PLEKHG4B: variants seen among roughly 807,000 people sequenced by gnomAD.
The protein encoded by PLEKHG4B is pleckstrin homology and RhoGEF domain containing G4B, also known as pleckstrin homology domain-containing family G member 4B.
In PLEKHG4B, 111 loss-of-function variants were observed where a neutral mutation model predicts 121.3. The ratio of observed to expected loss-of-function variants is 0.92; its 90% CI spans 0.78 to 1.07. The LOEUF is 1.07. Among genes scored for constraint, PLEKHG4B ranks in the 50% least tolerant of loss-of-function variants. PLEKHG4B has a pLI of 0.00. For synonymous variants in PLEKHG4B, 738 were observed against 725.0 expected (o/e 1.02, Z -0.29); for missense variants, 1,831 against 1,757.8 (o/e 1.04, Z -0.74).
intron 14 of PLEKHG4B, among the ~76,000 whole-genome samples, chr5:170,521 T>C (rs1482019437): frequency 6.6e-6 from 1 of 152,138 alleles, no homozygotes; most frequent in Non-Finnish European, 1.5e-5. Context: ...AGGCTGGTCT[T>C]GAACTCCCAA....
chr5:182,506 A>T lies in PLEKHG4B; in HGVS notation c.*183A>T. 1.6e-6 allele frequency: 1 copy of T among 620,564 alleles called. No homozygotes were observed. Among genetic ancestry groups the T allele is most frequent in the Admixed American group, 3.0e-5 (1 of 33,168 alleles). The allele number at this position is 620,564 out of a possible 1,614,324, so 38.4% of individuals were successfully genotyped here. A position where few individuals can be genotyped will look rare whatever the true frequency, so the allele number is the denominator to read the frequency against. Reference sequence around the variant, plus strand: ...AGACATTCCCTAACATTTTCAAACAAATTTATAATTTTGTCTTATTTAAAA... The same window carrying T: ...AGACATTCCCTAACATTTTCAAACATATTTATAATTTTGTCTTATTTAAAA... On this transcript the variant is annotated 3_prime_UTR_variant, in exon 20 of 20. Coordinates refer to ENST00000637938, the MANE Select transcript of PLEKHG4B (RefSeq NM_052909.5).
chr5:187,407 A>G lies in PLEKHG4B; in HGVS notation c.*5084A>G, dbSNP rs1020290987. 1 of 152,484 alleles carries G rather than the reference A, an allele frequency of 6.6e-6. No homozygotes were observed. 9.4% of individuals were successfully genotyped at this position (152,484 alleles called of 1,614,324 possible). A position where few individuals can be genotyped will look rare whatever the true frequency, so the allele number is the denominator to read the frequency against. ...CGGGCCCCTCCTGGATGGCAGCAGC[A>G]GTGGAGGTTTGGGTTTTGAGGGAGC... On this transcript the variant is annotated 3_prime_UTR_variant, in exon 20 of 20. Transcript: ENST00000637938.
rs1733638487 is a variant in PLEKHG4B at position 186,749 on chromosome 5, C to T, written c.*4426C>T. 6.5e-6 allele frequency: 1 copy of T among 152,762 alleles called. No individual in the cohort carries two copies. Among genetic ancestry groups the T allele is most frequent in the African/African-American group, 2.4e-5 (1 of 41,448 alleles). The allele number at this position is 152,762 out of a possible 1,614,324, so 9.5% of individuals were successfully genotyped here. On this transcript the variant is annotated 3_prime_UTR_variant, in exon 20 of 20. Transcript: ENST00000637938. ...GCCCCCTCGCCTCGACCACCAGTGC[C>T]TCCTTCCAAGCTGCCTGAGCAATCC...
rs531909087 is a variant in PLEKHG4B at position 153,774 on chromosome 5, C to T, written c.1993-1101C>T. Among the ~76,000 whole-genome samples the T allele has an allele frequency of 3.0e-4, 46 of 152,286 alleles. No homozygotes were observed. In the South Asian group the frequency reaches 8.7e-3, roughly 29 times the overall value. ...GATCACGGCTGCTTGCAGCCTTGAC[C>T]TCCCCAGGCTTAGGTGATCCTCCCA... On this transcript the variant is annotated intron_variant, in intron 7 of 19. Coordinates refer to ENST00000637938, the MANE Select transcript of PLEKHG4B (RefSeq NM_052909.5).
At chr5:106,724 C>T (rs1173396481) in intron 1 of PLEKHG4B, among the ~76,000 whole-genome samples, 1 of 152,204 alleles carries the variant, frequency 6.6e-6, no homozygotes, top group Admixed American at 6.5e-5. Flanking sequence ...GACGTGAGAG[C>T]CGGAGCCCAG....
intron 16 of PLEKHG4B, among the ~76,000 whole-genome samples, chr5:171,813 C>T (rs1027775156): frequency 6.6e-6 from 1 of 152,242 alleles, no homozygotes; most frequent in Admixed American, 6.5e-5. Context: ...CCCCAGCCCT[C>T]TGTGAGAAGG....
intron 3 of PLEKHG4B, among the ~76,000 whole-genome samples, chr5:142,253 C>T (rs1481240053): frequency 1.3e-5 from 2 of 152,178 alleles, no homozygotes; most frequent in African/African-American, 4.8e-5. Flanking sequence ...ATTTTCTTCC[C>T]TGTTGTACTG....
chr5:95,205 C>G (rs1438983334), intron 1 of PLEKHG4B, among the ~76,000 whole-genome samples: 1 of 152,212 alleles, frequency 6.6e-6, no homozygotes, highest in African/African-American at 2.4e-5. Context: ...CATGTTAAAA[C>G]TGCTTACCTT....
chr5:172,848 C>T (rs369171011), intron 16 of PLEKHG4B, 49 bp from the exon 17 acceptor site: 25 of 1,604,698 alleles, frequency 1.6e-5, no homozygotes, highest in Non-Finnish European at 2.0e-5. Context: ...TGTGCCACCA[C>T]AGACGCCGGA....
rs576672269 is a variant in PLEKHG4B at position 159,182 on chromosome 5, G to T, written c.2487+2271G>T. Among the ~76,000 whole-genome samples, 1 of 151,892 alleles carries T rather than the reference G, an allele frequency of 6.6e-6. No individual in the cohort carries two copies. The highest frequency in any genetic ancestry group is 2.1e-4 in the South Asian group (1 of 4,792). On this transcript the variant is annotated intron_variant, in intron 11 of 19. Coordinates refer to ENST00000637938, the MANE Select transcript of PLEKHG4B (RefSeq NM_052909.5). This position sits in a 1 kb window ranked among gnomAD's most constrained non-coding sequence, Gnocchi z 5.5. ...CCCGAGGGTCACCCAGGTGCACTGA[G>T]AGCAGGTGTGCCTGAGGGTGGCCCA...
At chr5:155,028 C>A in intron 8 of PLEKHG4B, 37 bp downstream of exon 8, 1 of 1,508,358 alleles carries the variant, frequency 6.6e-7, no homozygotes, top group Non-Finnish European at 9.2e-7. Context: ...ATGCGACAGT[C>A]TCTGGGGACT....
At chr5:132,099 G>C (rs574636026) in intron 2 of PLEKHG4B, among the ~76,000 whole-genome samples, 103 of 151,628 alleles carry the variant, frequency 6.8e-4, no homozygotes, top group Non-Finnish European at 1.2e-3. Context: ...TCTGATACCA[G>C]GAACAAGACA....
chr5:158,187 A>C (rs1735857024), intron 11 of PLEKHG4B, among the ~76,000 whole-genome samples: 2 of 103,094 alleles, frequency 1.9e-5, no homozygotes, highest in East Asian at 3.1e-4. Flanking sequence ...TCCTGGCTCC[A>C]TCTCCCCTCC....
chr5:118,331 T>A (rs1242649182), intron 2 of PLEKHG4B, among the ~76,000 whole-genome samples: 1 of 152,186 alleles, frequency 6.6e-6, no homozygotes, highest in Non-Finnish European at 1.5e-5. Flanking sequence ...GACCACACAC[T>A]GCTTGGGATA....
At chr5:161,974 G>C in intron 12 of PLEKHG4B, 30 bp downstream of exon 12, 1 of 1,581,830 alleles carries the variant, frequency 6.3e-7, no homozygotes, top group Non-Finnish European at 8.6e-7. Flanking sequence ...TGCGTCCCAG[G>C]GATCCCGGCT....
chr5:162,738 G>A lies in PLEKHG4B; in HGVS notation c.2666G>A (p.Gly889Glu), dbSNP rs567389025. ...GTCCCACAGGTGAGCAGCTGGATGG[G>A]GCCCCTGGACCCGGAGGCTTGTCCC... The part of the protein sequence containing the change: ...ELCETVSSWM[G>E]PLDPEACPSS... Residue 889 changes from glycine (G) to glutamate (E), a missense_variant, in exon 13 of 20, where the codon GGG (glycine) becomes GAG (glutamate). Transcript: ENST00000637938. 3.4e-6 allele frequency: 5 copies of A among 1,456,454 alleles called. No homozygotes were observed. Among genetic ancestry groups the A allele is most frequent in the East Asian group, 2.5e-5 (1 of 40,394 alleles). 90.2% of individuals were successfully genotyped at this position (1,456,454 alleles called of 1,614,324 possible).
At chr5:115,398 G>A (rs777042402) in intron 2 of PLEKHG4B, among the ~76,000 whole-genome samples, 1 of 152,168 alleles carries the variant, frequency 6.6e-6, no homozygotes, top group African/African-American at 2.4e-5. Context: ...ATTCTTAGGG[G>A]CCCTGGGAGG....
chr5:94,880 A>C (rs1045828249), intron 1 of PLEKHG4B, among the ~76,000 whole-genome samples: 9 of 152,136 alleles, frequency 5.9e-5, no homozygotes, highest in African/African-American at 2.2e-4. Flanking sequence ...GTTTACAGGA[A>C]TCATCTGTGC....
chr5:170,515 TG>T (rs1353609860), intron 14 of PLEKHG4B, among the ~76,000 whole-genome samples: 2 of 152,184 alleles, frequency 1.3e-5, no homozygotes, highest in African/African-American at 4.8e-5. Context: ...CTGGCGAGGC[TG>T]GTCTTGAACT....
Sources: allele counts gnomAD v4.1 joint callset (sites outside exome capture counted in the v4.1 genomes callset), GRCh38; gene constraint gnomAD v4.1.1; non-coding constraint Gnocchi (gnomAD v3.1); transcripts MANE v1.5; gene names NCBI Gene and HGNC (gene_info 2026-07-23, HGNC 2026-07-21).